KLHDC4: variants seen among roughly 807,000 people sequenced by gnomAD.
The protein encoded by KLHDC4 is kelch domain-containing protein 4.
KLHDC4 carries 90 observed loss-of-function variants against 62.4 expected under a neutral mutation model. The ratio of observed to expected loss-of-function variants is 1.44; its 90% CI spans 1.22 to 1.72. The LOEUF (loss-of-function observed/expected upper bound fraction) is 1.72, where lower values mean the gene tolerates loss of function less well. Among genes scored for constraint, KLHDC4 ranks in the 40% most tolerant of loss-of-function variants. KLHDC4 has a pLI of 0.00. For missense variants in KLHDC4, 1,025 were observed against 699.7 expected, an observed-to-expected ratio of 1.47 and a Z score of -5.25; for synonymous variants, 386 against 284.4, an observed-to-expected ratio of 1.36 and a Z score of -3.59.
At chr16:87,752,329 C>G (rs544340267) in intron 4 of KLHDC4, among the ~76,000 whole-genome samples, 27 of 140,786 alleles carry the variant, frequency 1.9e-4, no homozygotes, top group African/African-American at 7.2e-4. Flanking sequence ...ATCCACAGCA[C>G]TGTTTTTTCT....
chr16:87,714,121 G>C (rs938799007), intron 8 of KLHDC4, among the ~76,000 whole-genome samples: 1 of 152,190 alleles, frequency 6.6e-6, no homozygotes, highest in Non-Finnish European at 1.5e-5. Context: ...GGCAGCCCCA[G>C]TGACTCCTGG....
chr16:87,761,906 G>A (rs549669099), intron 2 of KLHDC4, 43 bp downstream of exon 2: 26 of 1,585,008 alleles, frequency 1.6e-5, no homozygotes, highest in Non-Finnish European at 2.0e-5. Context: ...TCAATGTATA[G>A]AAGAAAAGGA....
intron 7 of KLHDC4, among the ~76,000 whole-genome samples, chr16:87,721,314 G>A (rs13338010): frequency 0.2 from 30,938 of 151,434 alleles, 3,854 homozygotes; most frequent in Middle Eastern, 0.33. Flanking sequence ...CACCTACTCC[G>A]GAGGCAGGAG....
chr16:87,755,986 T>G (rs892221547), intron 3 of KLHDC4: 4 of 167,316 alleles, frequency 2.4e-5, no homozygotes, highest in Non-Finnish European at 5.3e-5. Flanking sequence ...CACACACAAT[T>G]GTGAAACACA....
chr16:87,701,622 A>C (rs2034146876), exon 1 of KLHDC4: 1 of 445,072 alleles, frequency 2.2e-6, no homozygotes. Context: ...GCCAGGCAAC[A>C]ACCTCACATG....
chr16:87,726,200 C>G (rs141454434), intron 7 of KLHDC4, among the ~76,000 whole-genome samples: 2,000 of 137,458 alleles, frequency 0.015, 43 homozygotes, highest in African/African-American at 0.046. Context: ...GTCTCCCCAC[C>G]CCGCGCCTCG....
intron 5 of KLHDC4, among the ~76,000 whole-genome samples, chr16:87,742,184 C>G (rs1048929312): frequency 5.3e-5 from 8 of 152,096 alleles, no homozygotes; most frequent in African/African-American, 1.9e-4. Context: ...CAATTACAGG[C>G]AGCAGCAGCA....
At chr16:87,713,540 T>C (rs1451079543) in intron 8 of KLHDC4, among the ~76,000 whole-genome samples, 1 of 152,130 alleles carries the variant, frequency 6.6e-6, no homozygotes, top group African/African-American at 2.4e-5. Context: ...AATTAATGAT[T>C]GAAAAGTAGC....
At position 87,726,963 on chromosome 16, in the gene KLHDC4, T is replaced by C. The variant is rs75337378; in HGVS notation, c.600-39A>G. On this transcript the variant is annotated intron_variant, in intron 6 of 11. Coordinates refer to ENST00000270583, the MANE Select transcript of KLHDC4 (RefSeq NM_017566.4). Reference sequence around the variant, plus strand: ...CAGCAGCTGTCAGGGTCCGTAACATTGGGAAAAGCCCTGACATTAAAAACT... The same window carrying C: ...CAGCAGCTGTCAGGGTCCGTAACATCGGGAAAAGCCCTGACATTAAAAACT... The C allele has an allele frequency of 6.8e-3, 10,901 of 1,604,912 alleles. 637 individuals carry two copies. The African/African-American group carries it at 0.13, about 19-fold the overall frequency.
At chr16:87,745,840 G>A (rs1204211937) in intron 5 of KLHDC4, among the ~76,000 whole-genome samples, 3 of 152,176 alleles carry the variant, frequency 2.0e-5, no homozygotes, top group Non-Finnish European at 4.4e-5. Flanking sequence ...ATCTCCTGCA[G>A]ACCATTTGTC....
At chr16:87,722,548 G>A (rs1346127645) in intron 7 of KLHDC4, among the ~76,000 whole-genome samples, 3 of 152,234 alleles carry the variant, frequency 2.0e-5, no homozygotes, top group Non-Finnish European at 2.9e-5. Context: ...GCACGCCACT[G>A]TCCAGGCACC....
chr16:87,715,193 C>T (rs549252788), intron 7 of KLHDC4, among the ~76,000 whole-genome samples: 67 of 152,316 alleles, frequency 4.4e-4, no homozygotes, highest in South Asian at 3.9e-3. Flanking sequence ...GCCAGCAAAA[C>T]GCTCACCCTG....
intron 7 of KLHDC4, among the ~76,000 whole-genome samples, chr16:87,722,402 G>A (rs1341835096): frequency 6.6e-5 from 10 of 152,164 alleles, no homozygotes; most frequent in Admixed American, 4.6e-4. Flanking sequence ...TAATCTACAG[G>A]CAGGTCCAGC....
chr16:87,718,660 TGAG>T (rs2037573315), intron 7 of KLHDC4, among the ~76,000 whole-genome samples: 1 of 151,176 alleles, frequency 6.6e-6, no homozygotes, highest in Non-Finnish European at 1.5e-5. Context: ...GTCTGGGAAG[TGAG>T]GAGCGTCTCT....
chr16:87,710,121 G>T (rs1344189448), intron 9 of KLHDC4: 2 of 164,100 alleles, frequency 1.2e-5, no homozygotes, highest in African/African-American at 4.8e-5. Flanking sequence ...CACAAGCCCA[G>T]CTCATTTACT....
chr16:87,700,137 G>C (rs868753067), exon 1 of KLHDC4: 1 of 152,442 alleles, frequency 6.6e-6, no homozygotes, highest in Non-Finnish European at 1.5e-5. Flanking sequence ...CACCTCATAC[G>C]TGCGACAGAC....
intron 1 of KLHDC4, among the ~76,000 whole-genome samples, chr16:87,762,643 C>G (rs1317381176): frequency 6.6e-6 from 1 of 152,238 alleles, no homozygotes; most frequent in Non-Finnish European, 1.5e-5. Context: ...ACAGCAAGAG[C>G]TCAGCAAATA....
At chr16:87,717,480 G>A (rs1035668887) in intron 7 of KLHDC4, among the ~76,000 whole-genome samples, 3 of 152,154 alleles carry the variant, frequency 2.0e-5, no homozygotes, top group Non-Finnish European at 4.4e-5. Flanking sequence ...AAAACTAAGA[G>A]GGCTCCACAT....
At chr16:87,743,458 G>C (rs2042544688) in intron 5 of KLHDC4, among the ~76,000 whole-genome samples, 1 of 152,116 alleles carries the variant, frequency 6.6e-6, no homozygotes, top group South Asian at 2.1e-4. Flanking sequence ...AAATAAACCT[G>C]GCCAGGCGCC....
Sources: gnomAD v4.1 joint callset for allele counts (sites outside exome capture counted in the v4.1 genomes callset) on GRCh38, gnomAD v4.1.1 for gene constraint, MANE v1.5 for transcripts, NCBI Gene and HGNC (gene_info 2026-07-23, HGNC 2026-07-21) for gene names.